Variants in FBXO25 observed in about 807,000 individuals in gnomAD.
FBXO25 encodes the protein F-box protein 25, also known as F-box only protein 25.
A neutral mutation model predicts 51.9 loss-of-function variants in FBXO25; 45 were observed. The observed-to-expected ratio is 0.87, with a 90% CI of 0.68 to 1.11. FBXO25 has a LOEUF of 1.11. FBXO25 is among the 50% of genes most tolerant of loss of function. The pLI is 0.00. For missense variants in FBXO25, 507 were observed against 428.5 expected, an observed-to-expected ratio of 1.18 and a Z score of -1.62; for synonymous variants, 199 against 151.0, an observed-to-expected ratio of 1.32 and a Z score of -2.33.
chr8:463,224 G>A, intron 9 of FBXO25, 74 bp downstream of exon 9: 1 of 1,511,770 alleles, frequency 6.6e-7, no homozygotes, highest in African/African-American at 1.4e-5. Flanking sequence ...TATATTTTAA[G>A]TATAAGACTA....
chr8:412,007 A>G lies in FBXO25; in HGVS notation c.-7-1066A>G, dbSNP rs562233858. The stretch of plus-strand genomic sequence containing the variant: ...AAAAAGCTTCCTGTGATGTTAATGC[A>G]CAGCAGTAGTTGAAAACCACTGATC... On this transcript the variant is annotated intron_variant, in intron 1 of 9. Transcript: ENST00000350302. Among the ~76,000 whole-genome samples, 16 of 152,346 alleles carry G rather than the reference A, an allele frequency of 1.1e-4. No individual in the cohort carries two copies. The South Asian group carries it at 1.7e-3, about 16-fold the overall frequency.
intron 8 of FBXO25, among the ~76,000 whole-genome samples, chr8:460,074 C>G (rs973507559): frequency 3.3e-5 from 5 of 152,006 alleles, no homozygotes; most frequent in Non-Finnish European, 7.4e-5. Context: ...GATTTAGATC[C>G]TAGGAAAAGA....
At chr8:449,385 C>G (rs1224877930) in intron 5 of FBXO25, among the ~76,000 whole-genome samples, 2 of 152,328 alleles carry the variant, frequency 1.3e-5, no homozygotes, top group Admixed American at 1.3e-4. Context: ...TTCGTGGGTT[C>G]TGTCACAGGG....
chr8:468,598 C>T, intron 9 of FBXO25, 117 bp from the exon 10 acceptor site: 2 of 721,682 alleles, frequency 2.8e-6, no homozygotes, highest in Non-Finnish European at 4.7e-6. Context: ...CTCCCATGTA[C>T]CTCTGAGGTG....
intron 9 of FBXO25, among the ~76,000 whole-genome samples, chr8:465,065 G>A (rs1800063503): frequency 6.6e-6 from 1 of 152,158 alleles, no homozygotes; most frequent in South Asian, 2.1e-4. Flanking sequence ...GGCACAGAAG[G>A]CACAGTATGG....
At chr8:411,594 C>G (rs1442879290) in intron 1 of FBXO25, among the ~76,000 whole-genome samples, 3 of 152,114 alleles carry the variant, frequency 2.0e-5, no homozygotes, top group African/African-American at 7.2e-5. Flanking sequence ...ACTTATAGAG[C>G]TCCTGTTGTT....
At chr8:466,010 G>C (rs1800135686) in intron 9 of FBXO25, among the ~76,000 whole-genome samples, 1 of 152,140 alleles carries the variant, frequency 6.6e-6, no homozygotes, top group African/African-American at 2.4e-5. Context: ...TCTTAGTTCT[G>C]GGAGGTTCAT....
At chr8:414,071 T>C (rs990311956) in intron 2 of FBXO25, among the ~76,000 whole-genome samples, 1 of 152,230 alleles carries the variant, frequency 6.6e-6, no homozygotes, top group Admixed American at 6.5e-5. Context: ...TGATGGGCCA[T>C]ATGTTTTTCT....
chr8:464,191 C>T (rs1167404268), intron 9 of FBXO25, among the ~76,000 whole-genome samples: 1 of 152,198 alleles, frequency 6.6e-6, no homozygotes, highest in Admixed American at 6.5e-5. Flanking sequence ...CAAGCTCAAG[C>T]AATATCTATG....
chr8:408,479 A>G (rs966634477), intron 1 of FBXO25, among the ~76,000 whole-genome samples: 1 of 152,238 alleles, frequency 6.6e-6, no homozygotes, highest in African/African-American at 2.4e-5. Flanking sequence ...TCTTTGCCTC[A>G]GTGTCTTCAT....
intron 5 of FBXO25, among the ~76,000 whole-genome samples, chr8:443,235 C>G (rs1466946729): frequency 1.3e-5 from 2 of 150,546 alleles, no homozygotes; most frequent in East Asian, 3.9e-4. Context: ...TACGGCATGC[C>G]AAAAAAAGTT....
intron 2 of FBXO25, among the ~76,000 whole-genome samples, chr8:429,905 T>G (rs1163224925): frequency 6.6e-6 from 1 of 152,218 alleles, no homozygotes; most frequent in South Asian, 2.1e-4. Flanking sequence ...AGGCCCAGAT[T>G]CACAGGAGGA....
chr8:429,028 C>T (rs1170951493), intron 2 of FBXO25, among the ~76,000 whole-genome samples: 1 of 152,164 alleles, frequency 6.6e-6, no homozygotes, highest in African/African-American at 2.4e-5. Context: ...CTTTCATTCT[C>T]TGCTTTCAGT....
chr8:440,174 C>G (rs1336915274), intron 5 of FBXO25, among the ~76,000 whole-genome samples: 2 of 152,154 alleles, frequency 1.3e-5, no homozygotes, highest in African/African-American at 4.8e-5. Flanking sequence ...TATTTATTTA[C>G]TCAGGGATCT....
chr8:409,736 C>T (rs55768232), intron 1 of FBXO25, among the ~76,000 whole-genome samples: 37 of 151,514 alleles, frequency 2.4e-4, no homozygotes, highest in Non-Finnish European at 4.7e-4. Flanking sequence ...TATTTGTTGC[C>T]TAGTTGTTTT....
chr8:423,760 G>T (rs1797299379), intron 2 of FBXO25, among the ~76,000 whole-genome samples: 1 of 152,166 alleles, frequency 6.6e-6, no homozygotes, highest in Non-Finnish European at 1.5e-5. Context: ...ACATAGGAGT[G>T]CCTGTGTCTT....
At position 475,112 on chromosome 8, in the gene FBXO25, T is replaced by C. The variant is rs934573728; in HGVS notation, c.*6308T>C. On this transcript the variant is annotated 3_prime_UTR_variant, in exon 10 of 10. Coordinates refer to ENST00000350302, the MANE Select transcript of FBXO25 (RefSeq NM_183420.2). ...TAGTTTTAGCTCTTAGTTTAGGCCT[T>C]TGATCTATTTTAATTTTTATATATG... 1.9e-5 allele frequency: 7 copies of C among 363,998 alleles called. No homozygotes were observed. Among genetic ancestry groups the C allele is most frequent in the Non-Finnish European group, 3.7e-5 (7 of 188,500 alleles). 22.5% of individuals were successfully genotyped at this position (363,998 alleles called of 1,614,324 possible). A position where few individuals can be genotyped will look rare whatever the true frequency, so the allele number is the denominator to read the frequency against.
intron 7 of FBXO25, among the ~76,000 whole-genome samples, chr8:457,095 A>T (rs1374125399): frequency 6.6e-6 from 1 of 152,222 alleles, no homozygotes; most frequent in Non-Finnish European, 1.5e-5. Context: ...AAGTACATAC[A>T]TCGACCTATT....
chr8:420,992 T>C (rs1296755189), intron 2 of FBXO25, among the ~76,000 whole-genome samples: 1 of 152,182 alleles, frequency 6.6e-6, no homozygotes, highest in East Asian at 1.9e-4. Flanking sequence ...TACAAACTTA[T>C]CCCATAATCC....
Sources: allele counts gnomAD v4.1 joint callset (sites outside exome capture counted in the v4.1 genomes callset), GRCh38; gene constraint gnomAD v4.1.1; transcripts MANE v1.5; gene names NCBI Gene and HGNC (gene_info 2026-07-23, HGNC 2026-07-21).